The following SPAG17 variants were observed in gnomAD, a reference collection of about 807,000 sequenced individuals.
SPAG17 encodes sperm associated antigen 17.
In SPAG17, 169 loss-of-function variants were observed where a neutral mutation model predicts 273.6. The observed-to-expected ratio is 0.62, with a 90% CI of 0.55 to 0.70. SPAG17 has a LOEUF of 0.70. Ranked by LOEUF, SPAG17 falls within the 30% of genes least tolerant of loss-of-function variation. The pLI is 0.00. For missense variants in SPAG17, 2,557 were observed against 2,627.8 expected, an observed-to-expected ratio of 0.97 and a Z score of 0.59; for synonymous variants, 825 against 873.2, an observed-to-expected ratio of 0.94 and a Z score of 0.97.
chr1:118,055,635 C>T, intron 19 of SPAG17, 98 bp downstream of exon 19: 2 of 1,076,940 alleles, frequency 1.9e-6, no homozygotes, highest in Non-Finnish European at 2.7e-6. Context: ...TTGGGTAATT[C>T]TTTTTAATAT....
chr1:118,091,903 T>G (rs1350683679), intron 9 of SPAG17, 27 bp downstream of exon 9: 1 of 1,611,312 alleles, frequency 6.2e-7, no homozygotes, highest in African/African-American at 1.3e-5. Context: ...ATGGTGTTGA[T>G]CCTCCAGCAG....
chr1:117,988,280 T>C, intron 38 of SPAG17, 76 bp from the exon 39 acceptor site: 1 of 1,049,416 alleles, frequency 9.5e-7, no homozygotes. Context: ...CAATTACTCA[T>C]TTGAGATGCC....
At chr1:118,176,266 C>T (rs1456513245) in intron 1 of SPAG17, among the ~76,000 whole-genome samples, 1 of 152,094 alleles carries the variant, frequency 6.6e-6, no homozygotes, top group East Asian at 1.9e-4. Flanking sequence ...ACTCAATTCT[C>T]TAATTGTAAT....
Position 118,023,213 on chromosome 1 carries a change from C to A in SPAG17, c.4069+91G>T, listed in dbSNP as rs942303127. Reference sequence around the variant, plus strand: ...ATAAATATATTTGTAGAAGAGGTTGCAAGTATTATAATAATAATAATATTG... The same window carrying A: ...ATAAATATATTTGTAGAAGAGGTTGAAAGTATTATAATAATAATAATATTG... On this transcript the variant is annotated intron_variant, in intron 28 of 48. Coordinates refer to ENST00000336338, the MANE Select transcript of SPAG17 (RefSeq NM_206996.4). The A allele has an allele frequency of 5.8e-6, 5 of 856,852 alleles. No homozygotes were observed. The Admixed American group carries it at 1.3e-4, about 22-fold the overall frequency. 53.1% of individuals were successfully genotyped at this position (856,852 alleles called of 1,614,324 possible).
At chr1:118,042,073 T>A (rs1649833127) in intron 20 of SPAG17, 31 bp from the exon 21 acceptor site, 11 of 1,588,066 alleles carry the variant, frequency 6.9e-6, no homozygotes, top group South Asian at 1.2e-5. Context: ...TTTAACAGGA[T>A]TTTTAAACGA....
intron 13 of SPAG17, among the ~76,000 whole-genome samples, chr1:118,085,250 GAGAC>G (rs1654898909): frequency 6.6e-6 from 1 of 152,128 alleles, no homozygotes; most frequent in South Asian, 2.1e-4. Context: ...AGAATGGAAA[GAGAC>G]AGAAGAAAAA....
intron 4 of SPAG17, among the ~76,000 whole-genome samples, chr1:118,105,440 G>A (rs1169891010): frequency 6.6e-6 from 1 of 152,086 alleles, no homozygotes; most frequent in Non-Finnish European, 1.5e-5. Flanking sequence ...TGAAAATGAT[G>A]GATCACTGAG....
intron 1 of SPAG17, among the ~76,000 whole-genome samples, chr1:118,164,283 C>A (rs1660061407): frequency 6.6e-6 from 1 of 152,202 alleles, no homozygotes; most frequent in Non-Finnish European, 1.5e-5. Context: ...CTGCCATAAT[C>A]TCACAGTCAG....
chr1:117,999,076 T>G (rs564938351), intron 32 of SPAG17, among the ~76,000 whole-genome samples: 5 of 151,740 alleles, frequency 3.3e-5, no homozygotes, highest in African/African-American at 1.2e-4. Context: ...TGAGAACATG[T>G]GGTGTTTTGT....
At chr1:117,984,044 T>G in intron 41 of SPAG17, 131 bp from the exon 42 acceptor site, 1 of 531,494 alleles carries the variant, frequency 1.9e-6, no homozygotes, top group Non-Finnish European at 3.4e-6. Flanking sequence ...CAAACTAAAA[T>G]TCTACAAGAG....
chr1:118,010,852 G>A (rs976137024), intron 30 of SPAG17, among the ~76,000 whole-genome samples: 8 of 151,852 alleles, frequency 5.3e-5, no homozygotes, highest in South Asian at 2.1e-4. Context: ...TCCAGCATCC[G>A]TAAGGAATTT....
At position 118,003,648 on chromosome 1, in the gene SPAG17, T is replaced by C. The variant is rs549059417; in HGVS notation, c.4776+1766A>G. 2.0e-5 allele frequency among the ~76,000 whole-genome samples: 3 copies of C among 152,328 alleles called. No individual in the cohort carries two copies. In the East Asian group the frequency reaches 5.8e-4, roughly 29 times the overall value. On this transcript the variant is annotated intron_variant, in intron 32 of 48. Coordinates refer to ENST00000336338, the MANE Select transcript of SPAG17 (RefSeq NM_206996.4). Reference sequence around the variant, plus strand: ...CATGTGTCATGAAGTTCTCATGTCATGGTTTTCAGCTCCATGAGGTCATTT... The same window carrying C: ...CATGTGTCATGAAGTTCTCATGTCACGGTTTTCAGCTCCATGAGGTCATTT...
chr1:117,984,290 C>G (rs1360824141), intron 41 of SPAG17, among the ~76,000 whole-genome samples: 1 of 152,186 alleles, frequency 6.6e-6, no homozygotes, highest in Non-Finnish European at 1.5e-5. Flanking sequence ...CTCACAATCT[C>G]TTAGTGCTAT....
chr1:118,142,343 AT>A (rs1305437642), intron 3 of SPAG17, among the ~76,000 whole-genome samples: 1 of 152,208 alleles, frequency 6.6e-6, no homozygotes, highest in Non-Finnish European at 1.5e-5. Context: ...AGCAGTTGTC[AT>A]TTAATGGATA....
intron 1 of SPAG17, among the ~76,000 whole-genome samples, chr1:118,154,145 G>A (rs891677064): frequency 1.1e-4 from 16 of 152,150 alleles, no homozygotes; most frequent in African/African-American, 3.9e-4. Context: ...AGCTCTCTAG[G>A]AGAGCTGGGT....
In SPAG17 at chr1:118,167,233, G is replaced by A. The variant is rs143076494; in HGVS notation, c.88-15864C>T. 2.1e-3 allele frequency among the ~76,000 whole-genome samples: 316 copies of A among 152,110 alleles called. 6 individuals carry two copies. The highest frequency in any genetic ancestry group is 7.3e-3 in the African/African-American group (303 of 41,496). ...CTGATTTTTTTAAAAGTGTTTTGCC[G>A]TTCAGCTCCTAACAACATAGAATTT... On this transcript the variant is annotated intron_variant, in intron 1 of 48. Transcript: ENST00000336338.
chr1:118,163,133 C>T (rs933827513), intron 1 of SPAG17, among the ~76,000 whole-genome samples: 1 of 152,106 alleles, frequency 6.6e-6, no homozygotes, highest in African/African-American at 2.4e-5. Flanking sequence ...TGTGAGGGTA[C>T]AAATGTGCTT....
chr1:118,091,701 T>C lies in SPAG17; in HGVS notation c.1264A>G (p.Thr422Ala), dbSNP rs1655384920. The C allele has an allele frequency of 6.2e-7, 1 of 1,605,934 alleles. No homozygotes were observed. Among genetic ancestry groups the C allele is most frequent in the Non-Finnish European group, 8.5e-7 (1 of 1,173,232 alleles). ...APPPVTSVIT[T>A]EVDMRYYNYL... ...TTGTAATATCTCATGTCTACTTCAG[T>C]TGTGATGACTGAAGTCACTGTAAAA... Residue 422 changes from threonine (T) to alanine (A), a missense_variant, in exon 10 of 49, where the codon ACT becomes GCT. Transcript: ENST00000336338.
chr1:118,167,135 G>C (rs866143932), intron 1 of SPAG17, among the ~76,000 whole-genome samples: 1 of 152,198 alleles, frequency 6.6e-6, no homozygotes, highest in Middle Eastern at 3.4e-3. Flanking sequence ...GCTGATACAT[G>C]ATGTTCTTTA....
Sources: allele counts gnomAD v4.1 joint callset (sites outside exome capture counted in the v4.1 genomes callset), GRCh38; gene constraint gnomAD v4.1.1; transcripts MANE v1.5; gene names NCBI Gene and HGNC (gene_info 2026-07-23, HGNC 2026-07-21).